The following FMN1 variants were observed in gnomAD, a reference collection of about 807,000 sequenced individuals.
FMN1 encodes formin 1, also known as formin-1.
A neutral mutation model predicts 132.4 loss-of-function variants in FMN1; 110 were observed. The ratio of observed to expected loss-of-function variants is 0.83; its 90% CI spans 0.71 to 0.97. The LOEUF is 0.97. FMN1 is among the 50% of genes least tolerant of loss of function. The pLI, the probability that FMN1 is intolerant of heterozygous loss-of-function variation, is 0.00. For synonymous variants in FMN1, 722 were observed against 651.7 expected (o/e 1.11, Z -1.64); for missense variants, 1,792 against 1,705.3 (o/e 1.05, Z -0.90).
chr15:32,969,438 G>A lies in FMN1; in HGVS notation c.2263C>T (p.His755Tyr), dbSNP rs745564556. 2 of 1,613,894 alleles carry A rather than the reference G, an allele frequency of 1.2e-6. No homozygotes were observed. The highest frequency in any genetic ancestry group is 4.5e-5 in the East Asian group (2 of 44,872). Residue 755 changes from histidine (H) to tyrosine (Y), a missense_variant, in exon 8 of 21, where the codon CAT becomes TAT. His to Tyr is a moderately conservative substitution (Grantham distance 83). This residue lies in a region of FMN1 where 1,150 missense variants were observed against 1,043.1 expected (regional missense o/e 1.10). Coordinates refer to ENST00000616417, the MANE Select transcript of FMN1 (RefSeq NM_001277313.2). The stretch of plus-strand genomic sequence containing the variant: ...TCTAGTCTCGCTGTTATCATTGCAT[G>A]CTCGCCCCGGATATGAAATGCCCGA... ...ELRAFHIRGE[H>Y]AMITARLEET...
intron 5 of FMN1, among the ~76,000 whole-genome samples, 158 bp downstream of exon 5, chr15:33,088,641 A>G (rs1595445807): frequency 6.6e-6 from 1 of 152,206 alleles, no homozygotes; most frequent in Non-Finnish European, 1.5e-5. Context: ...TCAGATCACC[A>G]AGATGCATCT....
intron 4 of FMN1, among the ~76,000 whole-genome samples, chr15:33,126,844 G>A (rs1595533533): frequency 1.3e-5 from 2 of 152,198 alleles, no homozygotes; most frequent in South Asian, 4.1e-4. Context: ...TTCTGGCTCT[G>A]AAACTTTGGG....
In FMN1 at chr15:32,784,031, T is replaced by C. The variant is rs1030272154; in HGVS notation, c.4131-7112A>G. The stretch of plus-strand genomic sequence containing the variant: ...ACAAGGCAGAAGATACTGAAATCAT[T>C]ATGAAGTTTGTAATAACAGAAGTGC... On this transcript the variant is annotated intron_variant, in intron 19 of 20. Coordinates refer to ENST00000616417, the MANE Select transcript of FMN1 (RefSeq NM_001277313.2). Among the ~76,000 whole-genome samples, 9 of 152,286 alleles carry C rather than the reference T, an allele frequency of 5.9e-5. No individual in the cohort carries two copies. The East Asian group carries it at 1.4e-3, about 23-fold the overall frequency.
intron 7 of FMN1, among the ~76,000 whole-genome samples, chr15:32,994,755 A>C (rs1381517532): frequency 1.5e-5 from 1 of 65,440 alleles, no homozygotes; most frequent in Non-Finnish European, 3.1e-5. Flanking sequence ...GATCAAGTTC[A>C]TAAAGCATTA....
At chr15:32,865,836 CAAA>C (rs59592154) in intron 16 of FMN1, among the ~76,000 whole-genome samples, 1 of 107,140 alleles carries the variant, frequency 9.3e-6, no homozygotes, top group Admixed American at 9.6e-5. Context: ...AACTCCACCT[CAAA>C]AAAAAAAAAA....
At chr15:33,124,870 G>A (rs562209423) in intron 4 of FMN1, among the ~76,000 whole-genome samples, 14 of 150,540 alleles carry the variant, frequency 9.3e-5, no homozygotes, top group African/African-American at 2.4e-4. Context: ...AATTTGGAAC[G>A]GGAAACAAAT....
At chr15:32,933,102 C>A (rs771539260) in intron 9 of FMN1, among the ~76,000 whole-genome samples, 6 of 152,072 alleles carry the variant, frequency 3.9e-5, no homozygotes, top group Admixed American at 1.3e-4. Flanking sequence ...TCTTTTTAAA[C>A]ATAGGTGTTC....
chr15:32,888,727 A>G (rs571980608), intron 15 of FMN1, among the ~76,000 whole-genome samples: 43 of 152,306 alleles, frequency 2.8e-4, no homozygotes, highest in Non-Finnish European at 5.6e-4. Context: ...GCTGGATAAG[A>G]AGGCACTGCA....
At chr15:33,180,442 C>T (rs911498896) in intron 2 of FMN1, among the ~76,000 whole-genome samples, 180 bp from the exon 3 acceptor site, 10 of 152,154 alleles carry the variant, frequency 6.6e-5, no homozygotes, top group African/African-American at 2.4e-4. Flanking sequence ...AACAGACGAT[C>T]CTGCCTCTTC....
At chr15:32,848,734 T>G (rs62001291) in intron 17 of FMN1, among the ~76,000 whole-genome samples, 1 of 152,130 alleles carries the variant, frequency 6.6e-6, no homozygotes, top group African/African-American at 2.4e-5. Flanking sequence ...AAAAAAAATT[T>G]GTTTACTATT....
chr15:33,150,924 G>A, intron 4 of FMN1: 1 of 1,025,726 alleles, frequency 9.7e-7, no homozygotes, highest in Non-Finnish European at 1.2e-6. Flanking sequence ...CCTCTTTCTG[G>A]ACTGCTGGCA....
intron 4 of FMN1, among the ~76,000 whole-genome samples, chr15:33,144,902 A>G (rs913873523): frequency 1.1e-4 from 17 of 152,220 alleles, no homozygotes; most frequent in African/African-American, 4.1e-4. Flanking sequence ...ATGTGTAATT[A>G]TAATAAAGCT....
intron 18 of FMN1, among the ~76,000 whole-genome samples, chr15:32,803,118 G>A (rs1264818543): frequency 2.0e-5 from 3 of 152,304 alleles, no homozygotes; most frequent in South Asian, 4.1e-4. Flanking sequence ...ATTGTGGCTA[G>A]ACAGGAGGAA....
intron 4 of FMN1, among the ~76,000 whole-genome samples, chr15:33,143,709 G>T (rs1340169647): frequency 6.6e-6 from 1 of 152,128 alleles, no homozygotes; most frequent in Non-Finnish European, 1.5e-5. Context: ...GTCGCTTGCA[G>T]CCACTGCCTT....
At chr15:32,922,043 C>G (rs1232676835) in intron 10 of FMN1, among the ~76,000 whole-genome samples, 1 of 152,176 alleles carries the variant, frequency 6.6e-6, no homozygotes, top group Non-Finnish European at 1.5e-5. Context: ...CAGACTTAAT[C>G]TTAACTTTTA....
intron 6 of FMN1, among the ~76,000 whole-genome samples, chr15:33,014,010 G>C (rs1417540219): frequency 1.4e-5 from 2 of 145,376 alleles, no homozygotes; most frequent in Non-Finnish European, 3.1e-5. Flanking sequence ...AGGAAAGCAT[G>C]ATTCATCTCC....
intron 2 of FMN1, among the ~76,000 whole-genome samples, chr15:33,188,250 G>A (rs1052722342): frequency 3.9e-5 from 6 of 152,272 alleles, no homozygotes; most frequent in African/African-American, 1.2e-4. Context: ...TGAGGCAGGA[G>A]AATTGCTTGA....
At chr15:33,186,020 T>C (rs1224573333) in intron 2 of FMN1, among the ~76,000 whole-genome samples, 1 of 152,058 alleles carries the variant, frequency 6.6e-6, no homozygotes, top group Non-Finnish European at 1.5e-5. Context: ...ACTTAGACAT[T>C]ATTCATCTCA....
At chr15:32,896,626 C>T (rs933131732) in intron 15 of FMN1, among the ~76,000 whole-genome samples, 1 of 151,450 alleles carries the variant, frequency 6.6e-6, no homozygotes, top group African/African-American at 2.4e-5. Flanking sequence ...TTCAGTTTGA[C>T]TACTTTAGAT....
Sources: allele counts gnomAD v4.1 joint callset (sites outside exome capture counted in the v4.1 genomes callset), GRCh38; gene constraint gnomAD v4.1.1; regional missense constraint gnomAD v4.1.1; transcripts MANE v1.5; gene names NCBI Gene and HGNC (gene_info 2026-07-23, HGNC 2026-07-21).